Variants in KLHL29 observed in about 807,000 individuals in gnomAD.
KLHL29 encodes kelch like family member 29, also known as kelch-like protein 29.
A neutral mutation model predicts 80.4 loss-of-function variants in KLHL29; 21 were observed. That is an observed-to-expected ratio of 0.26 (90% CI 0.19 to 0.38). KLHL29 has a LOEUF of 0.38. KLHL29 is among the 10% of genes least tolerant of loss of function. The pLI, the probability that KLHL29 is intolerant of heterozygous loss-of-function variation, is 1.00. For synonymous variants in KLHL29, 511 were observed against 526.8 expected, an observed-to-expected ratio of 0.97 and a Z score of 0.41; for missense variants, 867 against 1,223.9, an observed-to-expected ratio of 0.71 and a Z score of 4.35.
chr2:23,443,260 CT>C (rs1183355569), intron 1 of KLHL29, among the ~76,000 whole-genome samples: 7 of 152,174 alleles, frequency 4.6e-5, no homozygotes, highest in Admixed American at 1.3e-4. Flanking sequence ...ACCTTCACCC[CT>C]AAGTACTTTT....
chr2:23,497,485 T>C (rs1665304837), intron 2 of KLHL29, among the ~76,000 whole-genome samples: 1 of 152,084 alleles, frequency 6.6e-6, no homozygotes, highest in Admixed American at 6.6e-5. Context: ...GGTGCAATAA[T>C]CATTTGGTCA....
At chr2:23,590,882 C>T (rs899900473) in intron 3 of KLHL29, among the ~76,000 whole-genome samples, 2 of 152,132 alleles carry the variant, frequency 1.3e-5, no homozygotes, top group African/African-American at 4.8e-5. Context: ...TAGGATCTAC[C>T]GTGTGCCTGT....
intron 1 of KLHL29, among the ~76,000 whole-genome samples, chr2:23,436,280 TTG>T (rs57931176): frequency 0.13 from 17,938 of 136,656 alleles, 1,180 homozygotes; most frequent in Non-Finnish European, 0.17. Flanking sequence ...CCAATCAGCT[TTG>T]TGTGTGTGTG....
At chr2:23,561,455 C>T (rs1031314857) in intron 2 of KLHL29, among the ~76,000 whole-genome samples, 2 of 152,130 alleles carry the variant, frequency 1.3e-5, no homozygotes, top group African/African-American at 2.4e-5. Context: ...TCTCTGATGC[C>T]GCCCGAGATC....
intron 3 of KLHL29, among the ~76,000 whole-genome samples, chr2:23,628,955 CAGGGGCTGCCCCT>C: frequency 6.6e-6 from 1 of 152,362 alleles, no homozygotes; most frequent in African/African-American, 2.4e-5. Context: ...AAGGCCAGAG[CAGGGGCTGCCCCT>C]GCCGTGCCCA....
At chr2:23,674,161 TC>T (rs1336485171) in intron 5 of KLHL29, among the ~76,000 whole-genome samples, 1 of 152,096 alleles carries the variant, frequency 6.6e-6, no homozygotes, top group East Asian at 1.9e-4. Flanking sequence ...ACACAAACGC[TC>T]TGTGAGTGTG....
intron 1 of KLHL29, among the ~76,000 whole-genome samples, chr2:23,416,173 G>C (rs1666980445): frequency 6.6e-6 from 1 of 152,094 alleles, no homozygotes; most frequent in African/African-American, 2.4e-5. Flanking sequence ...GCTAACACTT[G>C]TATGCTGGAA....
At chr2:23,468,882 G>A (rs1441273612) in intron 1 of KLHL29, among the ~76,000 whole-genome samples, 5 of 152,212 alleles carry the variant, frequency 3.3e-5, no homozygotes, top group African/African-American at 7.2e-5. Flanking sequence ...TCTGCTTACG[G>A]CGTCCAGACT....
At chr2:23,626,333 G>A (rs1438126087) in intron 3 of KLHL29, among the ~76,000 whole-genome samples, 2 of 152,202 alleles carry the variant, frequency 1.3e-5, no homozygotes, top group Non-Finnish European at 2.9e-5. Flanking sequence ...CCCATCACTC[G>A]CCTCCTGCTG....
At chr2:23,524,667 C>T (rs867196685) in intron 2 of KLHL29, among the ~76,000 whole-genome samples, 16 of 152,218 alleles carry the variant, frequency 1.1e-4, no homozygotes, top group Admixed American at 4.6e-4. Context: ...CGATCTGTTC[C>T]GTTCCTTTGC....
intron 1 of KLHL29, among the ~76,000 whole-genome samples, chr2:23,386,055 G>GCCACTGTC (rs1250956470): frequency 2.0e-5 from 3 of 152,146 alleles, no homozygotes; most frequent in Non-Finnish European, 2.9e-5. Flanking sequence ...GCTGCCTGGG[G>GCCACTGTC]CCACTGTCAC....
At chr2:23,432,638 G>A (rs1300655958) in intron 1 of KLHL29, among the ~76,000 whole-genome samples, 1 of 152,212 alleles carries the variant, frequency 6.6e-6, no homozygotes, top group Non-Finnish European at 1.5e-5. Flanking sequence ...AGAAGGCAGC[G>A]GAGCTCCTGT....
intron 3 of KLHL29, among the ~76,000 whole-genome samples, chr2:23,622,389 C>T (rs953012635): frequency 6.6e-6 from 1 of 152,228 alleles, no homozygotes; most frequent in Non-Finnish European, 1.5e-5. Flanking sequence ...GCTCACATCA[C>T]AGCATGTGAT....
chr2:23,524,076 G>A (rs1463815294), intron 2 of KLHL29: 2 of 471,122 alleles, frequency 4.2e-6, no homozygotes, highest in Admixed American at 4.7e-5. Flanking sequence ...CCCCATCTAG[G>A]GTTTTTTCTC....
chr2:23,605,133 G>A (rs1668674453), intron 3 of KLHL29, among the ~76,000 whole-genome samples: 1 of 75,874 alleles, frequency 1.3e-5, no homozygotes, highest in South Asian at 4.6e-4. Context: ...TTTTTTTGGA[G>A]ACAGGGTTCA....
rs147857436 is a variant in KLHL29 at position 23,548,337 on chromosome 2, A to ACACACAGG, written c.-45-13800_-45-13793dup. On this transcript the variant is annotated intron_variant, in intron 2 of 13. Transcript: ENST00000486442. ...CACACAGACACAAGCACACAGACAC[A>ACACACAGG]CACACAGGCACACAGGCACACACAC... Among the ~76,000 whole-genome samples, 320 of 149,824 alleles carry ACACACAGG rather than the reference A, an allele frequency of 2.1e-3. 6 individuals are homozygous for ACACACAGG. In the South Asian group the frequency reaches 0.044, roughly 21 times the overall value.
At position 23,581,452 on chromosome 2, in the gene KLHL29, G is replaced by A. The variant is rs897100286; in HGVS notation, c.285+18971G>A. Among the ~76,000 whole-genome samples, 5 of 152,184 alleles carry A rather than the reference G, an allele frequency of 3.3e-5. No individual in the cohort carries two copies. The East Asian group carries it at 5.8e-4, about 18-fold the overall frequency. ...TGACTCCACTTGCGATGGAGTGTGC[G>A]CTGAGTCCCAGGCGGTGACTCCTGA... On this transcript the variant is annotated intron_variant, in intron 3 of 13. Coordinates refer to ENST00000486442, the MANE Select transcript of KLHL29 (RefSeq NM_052920.2).
At chr2:23,554,409 G>A (rs1432715093) in intron 2 of KLHL29, among the ~76,000 whole-genome samples, 3 of 152,190 alleles carry the variant, frequency 2.0e-5, no homozygotes, top group East Asian at 3.9e-4. Context: ...CAGCCACCTC[G>A]GCTTCCCTAT....
intron 1 of KLHL29, among the ~76,000 whole-genome samples, chr2:23,436,469 C>T (rs1395963192): frequency 2.0e-5 from 3 of 152,084 alleles, no homozygotes; most frequent in Non-Finnish European, 4.4e-5. Context: ...TGGAAGCCTT[C>T]CTGTGCTTCA....
Sources: allele counts gnomAD v4.1 joint callset (sites outside exome capture counted in the v4.1 genomes callset), GRCh38; gene constraint gnomAD v4.1.1; transcripts MANE v1.5; gene names NCBI Gene and HGNC (gene_info 2026-07-23, HGNC 2026-07-21).